PCDH15: variants seen among roughly 807,000 people sequenced by gnomAD.
The protein encoded by PCDH15 is protocadherin related 15, also known as protocadherin-15.
PCDH15 carries 129 observed loss-of-function variants against 178.5 expected under a neutral mutation model. The ratio of observed to expected loss-of-function variants is 0.72; its 90% CI spans 0.63 to 0.84. The LOEUF is 0.84. Among genes scored for constraint, PCDH15 ranks in the 40% least tolerant of loss-of-function variants. The pLI, the probability that PCDH15 is intolerant of heterozygous loss-of-function variation, is 0.00. For synonymous variants in PCDH15, 800 were observed against 732.0 expected (o/e 1.09, Z -1.50); for missense variants, 2,230 against 2,099.9 (o/e 1.06, Z -1.21).
At chr10:54,105,363 A>ATTTAGGAGTTTATT (rs2094899758) in intron 15 of PCDH15, among the ~76,000 whole-genome samples, 1 of 148,486 alleles carries the variant, frequency 6.7e-6, no homozygotes, top group Non-Finnish European at 1.5e-5. Context: ...CACATACACA[A>ATTTAGGAGTTTATT]AACTAATAGG....
intron 1 of PCDH15, among the ~76,000 whole-genome samples, chr10:55,233,072 C>CTT (rs34984611): frequency 0.77 from 116,922 of 151,692 alleles, 45,480 homozygotes; most frequent in Non-Finnish European, 0.82. Context: ...AATATTGTCT[C>CTT]ATAATTTTCT....
chr10:53,894,741 C>A (rs2081834334), intron 26 of PCDH15, among the ~76,000 whole-genome samples: 1 of 152,158 alleles, frequency 6.6e-6, no homozygotes, highest in African/African-American at 2.4e-5. Flanking sequence ...CAGTAAATAA[C>A]ACATAAATAA....
At chr10:54,304,455 G>C (rs1443664469) in intron 8 of PCDH15, among the ~76,000 whole-genome samples, 1 of 152,036 alleles carries the variant, frequency 6.6e-6, no homozygotes. Flanking sequence ...CAAGTTCTGA[G>C]AAAAGAGTTT....
At position 54,141,814 on chromosome 10, in the gene PCDH15, A is replaced by C. The variant is rs1039471410; in HGVS notation, c.1785-8807T>G. ...ACTGGTTTGAAGAGTTTGGTGTGAA[A>C]GTTACTTAATCAGTTGTAAGTACTG... On this transcript the variant is annotated intron_variant, in intron 14 of 37. Coordinates refer to ENST00000644397, the MANE Select transcript of PCDH15 (RefSeq NM_001384140.1). Among the ~76,000 whole-genome samples the C allele has an allele frequency of 4.6e-5, 7 of 152,204 alleles. No homozygotes were observed. The South Asian group carries it at 6.2e-4, about 13-fold the overall frequency.
chr10:54,168,503 T>C lies in PCDH15; in HGVS notation c.1590+14941A>G, dbSNP rs1195473449. Among the ~76,000 whole-genome samples the C allele has an allele frequency of 3.8e-3, 574 of 152,134 alleles. 3 individuals carry two copies. The highest frequency in any genetic ancestry group is 8.7e-3 in the African/African-American group (362 of 41,432). On this transcript the variant is annotated intron_variant, in intron 13 of 37. Transcript: ENST00000644397. The stretch of plus-strand genomic sequence containing the variant: ...CTGCTCCTCCACCCTATAATCTTTT[T>C]ATCGCCTCCCCTCCTCACACCTGGT...
chr10:55,558,156 G>A (rs1842126874), intron 2 of PCDH15, among the ~76,000 whole-genome samples: 1 of 151,964 alleles, frequency 6.6e-6, no homozygotes, highest in Admixed American at 6.6e-5. Flanking sequence ...AGACTCCACA[G>A]CATGGGCTTC....
At chr10:54,094,508 C>T (rs1016177806) in intron 15 of PCDH15, among the ~76,000 whole-genome samples, 3 of 151,918 alleles carry the variant, frequency 2.0e-5, no homozygotes, top group Admixed American at 6.6e-5. Flanking sequence ...TGATAAAGGC[C>T]GTGAGGTGAA....
chr10:54,990,857 A>C (rs1391522698), intron 2 of PCDH15, among the ~76,000 whole-genome samples: 1 of 152,114 alleles, frequency 6.6e-6, no homozygotes, highest in East Asian at 1.9e-4. Flanking sequence ...TCAGGATAAT[A>C]ATACTGTTTT....
At chr10:54,290,638 A>T (rs2059339810) in intron 8 of PCDH15, among the ~76,000 whole-genome samples, 1 of 152,248 alleles carries the variant, frequency 6.6e-6, no homozygotes, top group South Asian at 2.1e-4. Flanking sequence ...AGTGTGCTGT[A>T]TTCAAGAGAC....
chr10:55,511,736 T>A (rs990860453), intron 2 of PCDH15, among the ~76,000 whole-genome samples: 15 of 152,096 alleles, frequency 9.9e-5, no homozygotes, highest in African/African-American at 3.6e-4. Flanking sequence ...AAATCTTAGT[T>A]GATTCAGTTA....
intron 28 of PCDH15, among the ~76,000 whole-genome samples, chr10:53,856,213 A>G (rs1239975328): frequency 6.6e-6 from 1 of 151,640 alleles, no homozygotes; most frequent in African/African-American, 2.4e-5. Context: ...AGAATTCACC[A>G]TTAAAGAATT....
intron 11 of PCDH15, among the ~76,000 whole-genome samples, chr10:54,191,601 A>T (rs985102277): frequency 1.3e-5 from 2 of 152,084 alleles, no homozygotes; most frequent in Admixed American, 1.3e-4. Flanking sequence ...CTCTAGAGGA[A>T]TAGGTGTCAT....
chr10:55,490,516 T>C (rs564552947), intron 2 of PCDH15, among the ~76,000 whole-genome samples: 1 of 151,926 alleles, frequency 6.6e-6, no homozygotes, highest in African/African-American at 2.4e-5. Context: ...AGTGACATCA[T>C]TGAATATATG....
At chr10:55,463,379 G>T (rs186866198) in intron 2 of PCDH15, among the ~76,000 whole-genome samples, 225 of 152,198 alleles carry the variant, frequency 1.5e-3, no homozygotes, top group Non-Finnish European at 2.5e-3. Context: ...GAGCACAGTG[G>T]CTTATGTTTG....
At chr10:53,810,825 A>C (rs1439985443) in intron 36 of PCDH15, 161 bp from the exon 37 acceptor site, 2 of 674,198 alleles carry the variant, frequency 3.0e-6, no homozygotes, top group Non-Finnish European at 5.3e-6. Context: ...CTATAGAGTA[A>C]GAACTGCTAC....
At chr10:55,136,546 G>A (rs1057149513) in intron 2 of PCDH15, among the ~76,000 whole-genome samples, 19 of 151,998 alleles carry the variant, frequency 1.3e-4, no homozygotes, top group African/African-American at 3.6e-4. Context: ...AGTTTCATAC[G>A]TGAATGAACC....
chr10:54,414,053 AAAC>A (rs1414669100), intron 3 of PCDH15, among the ~76,000 whole-genome samples: 4 of 152,170 alleles, frequency 2.6e-5, no homozygotes, highest in African/African-American at 9.6e-5. Context: ...ACATATGACA[AAAC>A]AACACTTGTA....
chr10:53,980,871 G>C (rs536436512), intron 21 of PCDH15, among the ~76,000 whole-genome samples: 1 of 151,858 alleles, frequency 6.6e-6, no homozygotes, highest in African/African-American at 2.4e-5. Flanking sequence ...AATTTTTTTT[G>C]GTTCATGATT....
At chr10:54,462,831 A>G (rs2077281682) in intron 3 of PCDH15, among the ~76,000 whole-genome samples, 1 of 150,924 alleles carries the variant, frequency 6.6e-6, no homozygotes, top group Non-Finnish European at 1.5e-5. Flanking sequence ...CGCCTGGACT[A>G]TTTGTTAATC....
Sources: gnomAD v4.1 joint callset for allele counts (sites outside exome capture counted in the v4.1 genomes callset) on GRCh38, gnomAD v4.1.1 for gene constraint, MANE v1.5 for transcripts, NCBI Gene and HGNC (gene_info 2026-07-23, HGNC 2026-07-21) for gene names.